Variants in SPEF2 observed in about 807,000 individuals in gnomAD.
SPEF2 encodes sperm flagella and cilia-associated protein 2.
Under a neutral mutation model 224.6 loss-of-function variants are expected in SPEF2, and 187 were observed. The ratio of observed to expected loss-of-function variants is 0.83; its 90% confidence interval spans 0.74 to 0.94. The LOEUF (loss-of-function observed/expected upper bound fraction) is 0.94. Among genes scored for constraint, SPEF2 ranks in the 40% least tolerant of loss-of-function variants. SPEF2 has a pLI of 0.00. For synonymous variants in SPEF2, 715 were observed against 707.3 expected, an observed-to-expected ratio of 1.01 and a Z score of -0.17; for missense variants, 2,170 against 2,135.6, an observed-to-expected ratio of 1.02 and a Z score of -0.32.
At chr5:35,759,742 A>T (rs200962805) in intron 25 of SPEF2, 23 bp downstream of exon 25, 15 of 1,502,576 alleles carry the variant, frequency 1.0e-5, no homozygotes, top group Non-Finnish European at 1.3e-5. Flanking sequence ...ATTATATCAC[A>T]CTGTAATTGT....
intron 24 of SPEF2, among the ~76,000 whole-genome samples, chr5:35,758,672 A>C (rs553605623): frequency 1.3e-5 from 2 of 152,268 alleles, no homozygotes; most frequent in Non-Finnish European, 2.9e-5. Flanking sequence ...TTCTCCACAT[A>C]TTGAACAAGA....
chr5:35,696,297 A>G (rs1332416504), intron 14 of SPEF2, among the ~76,000 whole-genome samples: 1 of 152,114 alleles, frequency 6.6e-6, no homozygotes, highest in Non-Finnish European at 1.5e-5. Flanking sequence ...TTTGTATTAT[A>G]TTTGATTTTT....
chr5:35,642,177 G>T (rs1335171648), intron 3 of SPEF2, among the ~76,000 whole-genome samples: 3 of 152,278 alleles, frequency 2.0e-5, no homozygotes, highest in East Asian at 3.9e-4. Context: ...ACTGCTAAAT[G>T]AATCTTCCCT....
chr5:35,677,287 A>G (rs1752161837), intron 10 of SPEF2, among the ~76,000 whole-genome samples: 1 of 152,196 alleles, frequency 6.6e-6, no homozygotes, highest in South Asian at 2.1e-4. Flanking sequence ...AAGACCATGG[A>G]AATTACTATA....
At chr5:35,807,529 C>A in intron 36 of SPEF2, 3 of 1,066,338 alleles carry the variant, frequency 2.8e-6, no homozygotes, top group Non-Finnish European at 4.1e-6. Context: ...ATGACCCTAG[C>A]CTGTGATTGA....
chr5:35,647,197 C>A (rs981980955), intron 5 of SPEF2, among the ~76,000 whole-genome samples: 2 of 151,930 alleles, frequency 1.3e-5, no homozygotes, highest in African/African-American at 4.8e-5. Flanking sequence ...AGGTTTATGT[C>A]ACTTATGTTT....
chr5:35,697,952 A>T, intron 15 of SPEF2, 159 bp downstream of exon 15: 1 of 519,366 alleles, frequency 1.9e-6, no homozygotes, highest in Non-Finnish European at 3.3e-6. Context: ...TTATTTTGTG[A>T]CTTACGTGCC....
chr5:35,644,537 CT>C lies in SPEF2; in HGVS notation c.585+13del, dbSNP rs1303771236. The C allele has an allele frequency of 6.3e-7, 1 of 1,576,306 alleles. No homozygotes were observed. The highest frequency in any genetic ancestry group is 1.9e-5 in the Admixed American group (1 of 52,394). ...TTGATATTGAAAAGGTTCTATAGAACTATTTTTTCAGAAATTCATTAGTGCA... is the reference window on the plus strand; with the variant it reads ...TTGATATTGAAAAGGTTCTATAGAACATTTTTTCAGAAATTCATTAGTGCA... On this transcript the variant is annotated intron_variant, in intron 4 of 36. Transcript: ENST00000356031.
chr5:35,628,416 C>A, intron 1 of SPEF2, 44 bp from the exon 2 acceptor site: 1 of 1,309,468 alleles, frequency 7.6e-7, no homozygotes, highest in Non-Finnish European at 1.1e-6. Context: ...GCTCTATGCG[C>A]AACATTGTAT....
intron 10 of SPEF2, among the ~76,000 whole-genome samples, chr5:35,680,056 A>G (rs1263945463): frequency 6.6e-6 from 1 of 152,230 alleles, no homozygotes; most frequent in African/African-American, 2.4e-5. Flanking sequence ...GAGATAAAAC[A>G]TCAGAAAATT....
chr5:35,761,402 G>A (rs1411108314), intron 25 of SPEF2, among the ~76,000 whole-genome samples: 1 of 152,094 alleles, frequency 6.6e-6, no homozygotes, highest in Non-Finnish European at 1.5e-5. Context: ...TCCCAATAAT[G>A]CTCAATAAAT....
chr5:35,694,460 C>A, intron 13 of SPEF2, 97 bp downstream of exon 13: 1 of 1,132,386 alleles, frequency 8.8e-7, no homozygotes, highest in Non-Finnish European at 1.3e-6. Context: ...GGGAAATAAA[C>A]GGGAACCAAG....
intron 36 of SPEF2, chr5:35,807,811 A>G (rs1758263561): frequency 7.8e-6 from 12 of 1,534,110 alleles, no homozygotes; most frequent in Non-Finnish European, 9.6e-6. Flanking sequence ...ACCACCAAGC[A>G]GGTCTGGACC....
At chr5:35,714,054 T>A (rs77721370) in intron 20 of SPEF2, among the ~76,000 whole-genome samples, 4 of 26 alleles carry the variant, frequency 0.15, 1 homozygote, top group Non-Finnish European at 1. Flanking sequence ...TATATATATT[T>A]TATATAGTAT....
intron 10 of SPEF2, among the ~76,000 whole-genome samples, chr5:35,690,627 G>A (rs932732464): frequency 2.0e-5 from 3 of 152,042 alleles, no homozygotes; most frequent in Non-Finnish European, 4.4e-5. Flanking sequence ...GGTAGACTTA[G>A]AGATGTTGAG....
At chr5:35,752,628 G>A (rs1336733541) in intron 23 of SPEF2, among the ~76,000 whole-genome samples, 1 of 152,284 alleles carries the variant, frequency 6.6e-6, no homozygotes, top group Non-Finnish European at 1.5e-5. Flanking sequence ...AAAAGCTGTC[G>A]ATTTTTATTT....
At chr5:35,727,511 TG>T (rs945316968) in intron 20 of SPEF2, among the ~76,000 whole-genome samples, 163 bp from the exon 21 acceptor site, 8 of 152,182 alleles carry the variant, frequency 5.3e-5, no homozygotes, top group Non-Finnish European at 8.8e-5. Context: ...TTGGTTAATT[TG>T]GGGGCTGTGG....
intron 5 of SPEF2, among the ~76,000 whole-genome samples, chr5:35,647,706 T>G (rs1747589992): frequency 6.6e-6 from 1 of 151,940 alleles, no homozygotes; most frequent in African/African-American, 2.4e-5. Context: ...AAGGTACACA[T>G]AGCATATGTA....
At chr5:35,754,888 A>G (rs2149732534) in intron 24 of SPEF2, among the ~76,000 whole-genome samples, 1 of 152,364 alleles carries the variant, frequency 6.6e-6, no homozygotes, top group Non-Finnish European at 1.5e-5. Flanking sequence ...CTTATCTGGC[A>G]ATCCCTACAG....
Sources: gnomAD v4.1 joint callset for allele counts (sites outside exome capture counted in the v4.1 genomes callset) on GRCh38, gnomAD v4.1.1 for gene constraint, MANE v1.5 for transcripts, NCBI Gene and HGNC (gene_info 2026-07-23, HGNC 2026-07-21) for gene names.